The following GPC5 variants were observed in gnomAD, a reference collection of about 807,000 sequenced individuals.
GPC5 encodes glypican-5.
In GPC5, 47 loss-of-function variants were observed where a neutral mutation model predicts 53.9. The observed-to-expected ratio is 0.87, with a 90% confidence interval of 0.69 to 1.11. GPC5 has a LOEUF of 1.11. Ranked by LOEUF, GPC5 falls within the 50% of genes most tolerant of loss-of-function variation. The probability of loss-of-function intolerance (pLI) is 0.00; values close to 1 mark genes in which losing one functional copy is unlikely to be tolerated. For synonymous variants in GPC5, 286 were observed against 263.3 expected (o/e 1.09, Z -0.84); for missense variants, 748 against 713.1 (o/e 1.05, Z -0.56).
intron 7 of GPC5, among the ~76,000 whole-genome samples, chr13:92,538,184 G>A (rs1361171342): frequency 3.3e-5 from 5 of 151,928 alleles, no homozygotes; most frequent in Admixed American, 3.3e-4. Flanking sequence ...ACCACATTTT[G>A]CGTATGTAAA....
chr13:91,956,771 A>G (rs1357838219), intron 6 of GPC5, among the ~76,000 whole-genome samples: 5 of 152,214 alleles, frequency 3.3e-5, no homozygotes, highest in Non-Finnish European at 7.3e-5. Context: ...AATCAAAGCC[A>G]AAGTACCCTA....
At chr13:91,847,219 CAAAAAA>C (rs58401616) in intron 5 of GPC5, among the ~76,000 whole-genome samples, 1,254 of 86,022 alleles carry the variant, frequency 0.015, 18 homozygotes, top group African/African-American at 0.041. Context: ...GACTCCATCT[CAAAAAA>C]AAAAAAAAAA....
intron 7 of GPC5, among the ~76,000 whole-genome samples, chr13:92,219,019 A>T (rs1259423336): frequency 6.6e-6 from 1 of 152,190 alleles, no homozygotes; most frequent in Admixed American, 6.6e-5. Flanking sequence ...ATAATCTTCT[A>T]CTTTCCATGA....
intron 7 of GPC5, among the ~76,000 whole-genome samples, chr13:92,513,172 G>T (rs1880637917): frequency 6.6e-6 from 1 of 152,156 alleles, no homozygotes; most frequent in Admixed American, 6.5e-5. Flanking sequence ...GAGAAGGGCG[G>T]GAATCAGCAG....
At chr13:92,856,668 T>G (rs1038002086) in intron 7 of GPC5, among the ~76,000 whole-genome samples, 1 of 152,144 alleles carries the variant, frequency 6.6e-6, no homozygotes, top group Non-Finnish European at 1.5e-5. Flanking sequence ...CAAAAATCAA[T>G]ATTATTACTA....
chr13:91,526,145 G>T (rs968461110), intron 2 of GPC5, among the ~76,000 whole-genome samples: 1 of 152,118 alleles, frequency 6.6e-6, no homozygotes, highest in African/African-American at 2.4e-5. Context: ...TCTGAATTTG[G>T]TCATTTAAAG....
chr13:92,505,150 T>A (rs1880323521), intron 7 of GPC5, among the ~76,000 whole-genome samples: 1 of 151,800 alleles, frequency 6.6e-6, no homozygotes, highest in Non-Finnish European at 1.5e-5. Flanking sequence ...ACTTTTAAAG[T>A]TAACTTTGAG....
At chr13:92,100,954 A>C (rs909950399) in intron 6 of GPC5, among the ~76,000 whole-genome samples, 27 of 152,196 alleles carry the variant, frequency 1.8e-4, no homozygotes, top group African/African-American at 6.3e-4. Context: ...AGTGAATGTT[A>C]GACAGGATAT....
chr13:92,713,953 C>T (rs1230879072), intron 7 of GPC5, among the ~76,000 whole-genome samples: 3 of 152,142 alleles, frequency 2.0e-5, no homozygotes, highest in Non-Finnish European at 4.4e-5. Context: ...CCAAGCAATT[C>T]CAGAATTGCA....
chr13:92,030,767 C>T (rs1206739680), intron 6 of GPC5, among the ~76,000 whole-genome samples: 2 of 152,296 alleles, frequency 1.3e-5, no homozygotes, highest in Middle Eastern at 3.4e-3. Context: ...AGGAAGTTTG[C>T]GCCATTTGCA....
chr13:92,539,603 C>T (rs1365629152), intron 7 of GPC5, among the ~76,000 whole-genome samples: 3 of 151,750 alleles, frequency 2.0e-5, no homozygotes, highest in African/African-American at 7.3e-5. Flanking sequence ...CAAAAATTTT[C>T]TCCCATTCTG....
chr13:92,095,757 A>C (rs1482436715), intron 6 of GPC5, among the ~76,000 whole-genome samples: 1 of 152,100 alleles, frequency 6.6e-6, no homozygotes, highest in Non-Finnish European at 1.5e-5. Flanking sequence ...CTGGTCTCGA[A>C]TTCCTGACCT....
chr13:92,477,959 G>T (rs1171972554), intron 7 of GPC5, among the ~76,000 whole-genome samples: 3 of 152,084 alleles, frequency 2.0e-5, no homozygotes, highest in Non-Finnish European at 4.4e-5. Flanking sequence ...TTGGCATTTG[G>T]TTTATTTTCC....
At chr13:92,194,322 G>A (rs1003820799) in intron 7 of GPC5, among the ~76,000 whole-genome samples, 2 of 152,180 alleles carry the variant, frequency 1.3e-5, no homozygotes, top group Non-Finnish European at 2.9e-5. Context: ...ACATGACAAT[G>A]TTCAGAAGGT....
At chr13:91,536,379 G>A (rs1886592982) in intron 2 of GPC5, among the ~76,000 whole-genome samples, 1 of 152,154 alleles carries the variant, frequency 6.6e-6, no homozygotes, top group African/African-American at 2.4e-5. Context: ...GTGGCCTCGA[G>A]AAATAACAGC....
chr13:92,581,248 A>C (rs2139053615), intron 7 of GPC5, among the ~76,000 whole-genome samples: 1 of 152,292 alleles, frequency 6.6e-6, no homozygotes, highest in South Asian at 2.1e-4. Context: ...AGCCTCTGGT[A>C]ACCACCATTT....
chr13:91,645,620 G>C (rs141998072), intron 2 of GPC5, among the ~76,000 whole-genome samples: 72 of 152,282 alleles, frequency 4.7e-4, no homozygotes, highest in Admixed American at 1.1e-3. Flanking sequence ...AGGTCACTTT[G>C]AGAAAGGATT....
At chr13:91,496,467 G>T (rs1374278020) in intron 2 of GPC5, among the ~76,000 whole-genome samples, 1 of 152,220 alleles carries the variant, frequency 6.6e-6, no homozygotes, top group East Asian at 1.9e-4. Flanking sequence ...ATGAGGTCAT[G>T]TCATTTGCAG....
chr13:92,010,072 C>T (rs545888807), intron 6 of GPC5, among the ~76,000 whole-genome samples: 4 of 152,150 alleles, frequency 2.6e-5, no homozygotes, highest in Non-Finnish European at 5.9e-5. Flanking sequence ...ATAAGCTTGG[C>T]AGACTTACTC....
Sources: gnomAD v4.1 joint callset for allele counts (sites outside exome capture counted in the v4.1 genomes callset) on GRCh38, gnomAD v4.1.1 for gene constraint, MANE v1.5 for transcripts, NCBI Gene and HGNC (gene_info 2026-07-23, HGNC 2026-07-21) for gene names.